MEI1: variants seen among roughly 807,000 people sequenced by gnomAD.
MEI1 encodes meiosis inhibitor protein 1.
In MEI1, 103 loss-of-function variants were observed where a neutral mutation model predicts 146.2. That is an observed-to-expected ratio of 0.70 (90% CI 0.60 to 0.83). The LOEUF (loss-of-function observed/expected upper bound fraction) is 0.83. Among genes scored for constraint, MEI1 ranks in the 40% least tolerant of loss-of-function variants. The probability of loss-of-function intolerance (pLI) is 0.00; values close to 1 mark genes in which losing one functional copy is unlikely to be tolerated. For missense variants in MEI1, 1,529 were observed against 1,533.0 expected (o/e 1.00, Z 0.04); for synonymous variants, 652 against 628.2 (o/e 1.04, Z -0.57).
intron 16 of MEI1, among the ~76,000 whole-genome samples, chr22:41,753,020 ATT>A (rs973303798): frequency 8.4e-5 from 12 of 142,042 alleles, no homozygotes; most frequent in Admixed American, 2.1e-4. Flanking sequence ...GGTCTCTACA[ATT>A]TTTTTTTTTT....
chr22:41,734,226 C>T (rs1186859397), intron 11 of MEI1, among the ~76,000 whole-genome samples: 1 of 152,206 alleles, frequency 6.6e-6, no homozygotes, highest in Non-Finnish European at 1.5e-5. Flanking sequence ...GGAGCTTGAG[C>T]ATCCTGGTTT....
chr22:41,730,845 T>C (rs1460078963), intron 9 of MEI1, among the ~76,000 whole-genome samples: 2 of 152,144 alleles, frequency 1.3e-5, no homozygotes, highest in South Asian at 4.1e-4. Context: ...GAAGTATATA[T>C]GTTTAGACGC....
chr22:41,729,767 G>A lies in MEI1; in HGVS notation c.967G>A (p.Ala323Thr), dbSNP rs759100618. 19 of 1,605,192 alleles carry A rather than the reference G, an allele frequency of 1.2e-5. No homozygotes were observed. The highest frequency in any genetic ancestry group is 1.7e-5 in the Admixed American group (1 of 58,432). Residue 323 changes from alanine (A) to threonine (T), a missense_variant, in exon 8 of 31, where the codon GCT becomes ACT. This residue lies in a region of MEI1 where 1,212 missense variants were observed against 1,178.9 expected (regional missense o/e 1.03). Transcript: ENST00000401548. ...PAKHASAFIHADIPEFLFEHL... is the reference protein window; with the variant it reads ...PAKHASAFIHTDIPEFLFEHL... ...AAAGCATGCGTCAGCCTTCATCCAC[G>A]CTGACATCCCAGGTAGGGGAACACT...
At chr22:41,702,455 CTT>C (rs771593422) in intron 1 of MEI1, among the ~76,000 whole-genome samples, 7 of 139,580 alleles carry the variant, frequency 5.0e-5, no homozygotes, top group African/African-American at 7.9e-5. Context: ...CACTTTTTTT[CTT>C]TTTTTTTTTT....
At position 41,745,808 on chromosome 22, in the gene MEI1, G is replaced by A. The variant is rs549470382; in HGVS notation, c.1539-77G>A. ...TGGACCCTGAGCACAGGCACTCCCC[G>A]CCACCCCCCAGGAAGCTGTTTGTAA... On this transcript the variant is annotated intron_variant, in intron 13 of 30. Coordinates refer to ENST00000401548, the MANE Select transcript of MEI1 (RefSeq NM_152513.4). The A allele has an allele frequency of 7.2e-5, 104 of 1,440,776 alleles. 1 individual carries two copies. The Middle Eastern group carries it at 1.5e-3, about 21-fold the overall frequency. 89.2% of individuals were successfully genotyped at this position (1,440,776 alleles called of 1,614,324 possible).
At chr22:41,790,388 A>G (rs920838216) in intron 26 of MEI1, among the ~76,000 whole-genome samples, 2 of 152,022 alleles carry the variant, frequency 1.3e-5, no homozygotes, top group East Asian at 3.9e-4. Context: ...CCCGGTCTTA[A>G]AACTCGCTTT....
intron 22 of MEI1, among the ~76,000 whole-genome samples, chr22:41,779,455 AAAAC>A (rs1379956021): frequency 6.6e-6 from 1 of 152,138 alleles, no homozygotes; most frequent in Non-Finnish European, 1.5e-5. Context: ...CCTCGTCCCT[AAAAC>A]AAACAAATCT....
chr22:41,721,190 G>A lies in MEI1; in HGVS notation c.734-2753G>A, dbSNP rs1435345073. Reference sequence around the variant, plus strand: ...GGCCTCCCCAGGATATGTCCGCCTCGGCCTCCCAAAGTGCTGGGATTACAG... The same window carrying A: ...GGCCTCCCCAGGATATGTCCGCCTCAGCCTCCCAAAGTGCTGGGATTACAG... On this transcript the variant is annotated intron_variant, in intron 6 of 30. Transcript: ENST00000401548. Among the ~76,000 whole-genome samples, 5 of 148,558 alleles carry A rather than the reference G, an allele frequency of 3.4e-5. No individual in the cohort carries two copies. The East Asian group carries it at 5.9e-4, about 18-fold the overall frequency.
intron 11 of MEI1, among the ~76,000 whole-genome samples, chr22:41,738,577 ACT>A (rs1442523209): frequency 6.6e-5 from 10 of 151,366 alleles, no homozygotes; most frequent in African/African-American, 2.4e-4. Flanking sequence ...ACAGAGCGAG[ACT>A]CTGTCTCAAA....
In MEI1 at chr22:41,784,398, G is replaced by C. The variant is rs1342088725; in HGVS notation, c.3147G>C (p.Lys1049Asn). The C allele has an allele frequency of 2.5e-6, 4 of 1,613,968 alleles. No individual in the cohort carries two copies. ...DQVLKALSFP[K>N]KKAALLSAAI... ...TATTGAAGGCTCTCAGCTTTCCAAA[G>C]AAAAAGGCTGCACTACTCTCAGGTA... Residue 1049 changes from lysine to asparagine, a missense_variant, in exon 25 of 31, where the codon AAG becomes AAC. By Grantham distance (94) the Lys-to-Asn change is moderately conservative. Around this residue, in one of 3 missense-constraint regions of MEI1, gnomAD observed 313 missense variants for 337.3 expected, o/e 0.93. Transcript: ENST00000401548.
intron 12 of MEI1, among the ~76,000 whole-genome samples, chr22:41,743,813 A>G (rs1306921213): frequency 1.3e-5 from 2 of 152,178 alleles, no homozygotes; most frequent in African/African-American, 4.8e-5. Context: ...TCTGCATATA[A>G]TAGACCAATA....
intron 19 of MEI1, among the ~76,000 whole-genome samples, chr22:41,765,722 T>G (rs1005353804): frequency 7.2e-5 from 11 of 151,858 alleles, no homozygotes; most frequent in African/African-American, 2.7e-4. Context: ...TTTCAGAGAG[T>G]CATTTTATTC....
chr22:41,712,012 G>T (rs890360700), intron 3 of MEI1, among the ~76,000 whole-genome samples: 25 of 151,348 alleles, frequency 1.7e-4, no homozygotes, highest in African/African-American at 5.6e-4. Flanking sequence ...GACCAGCCTG[G>T]CCAACATGTA....
At position 41,768,280 on chromosome 22, in the gene MEI1, G is replaced by A. The variant is rs1350041449; in HGVS notation, c.2269-2406G>A. On this transcript the variant is annotated intron_variant, in intron 19 of 30. Transcript: ENST00000401548. ...GCCTGTAGTCCCAGCTACTCGGGAG[G>A]CTGAGGCAGGAGAATTGCTTGAATC... is the stretch of plus-strand genomic sequence containing the variant. 2.6e-5 allele frequency among the ~76,000 whole-genome samples: 4 copies of A among 152,022 alleles called. No individual in the cohort carries two copies. The East Asian group carries it at 5.8e-4, about 22-fold the overall frequency.
intron 11 of MEI1, among the ~76,000 whole-genome samples, chr22:41,737,359 C>T (rs2072465781): frequency 6.6e-6 from 1 of 151,854 alleles, no homozygotes; most frequent in Non-Finnish European, 1.5e-5. Context: ...GCCTCAGTCT[C>T]CTGAGTAGCT....
At chr22:41,721,719 C>CTTTTTTTTTTTTTTTTT (rs58572782) in intron 6 of MEI1, among the ~76,000 whole-genome samples, 1 of 102,212 alleles carries the variant, frequency 9.8e-6, no homozygotes, top group African/African-American at 4.1e-5. Flanking sequence ...AATGCTACCC[C>CTTTTTTTTTTTTTTTTT]TTTTTTTTTT....
chr22:41,778,606 C>T, intron 21 of MEI1, 102 bp from the exon 22 acceptor site: 1 of 850,724 alleles, frequency 1.2e-6, no homozygotes, highest in South Asian at 1.6e-5. Context: ...AAACAAAAAA[C>T]TTTGAACCTG....
At chr22:41,729,621 A>G (rs762737705) in intron 7 of MEI1, 44 bp from the exon 8 acceptor site, 2 of 1,309,218 alleles carry the variant, frequency 1.5e-6, no homozygotes, top group East Asian at 4.8e-5. Context: ...TTCTGGTCCT[A>G]TTCGTGGTGT....
intron 5 of MEI1, among the ~76,000 whole-genome samples, chr22:41,717,414 C>T (rs1420551536): frequency 2.0e-5 from 3 of 151,932 alleles, no homozygotes. Flanking sequence ...CTGCCCACCT[C>T]GGCCTCCCAA....
Sources: gnomAD v4.1 joint callset for allele counts (sites outside exome capture counted in the v4.1 genomes callset) on GRCh38, gnomAD v4.1.1 for gene constraint, gnomAD v4.1.1 regional missense constraint, MANE v1.5 for transcripts, NCBI Gene and HGNC (gene_info 2026-07-23, HGNC 2026-07-21) for gene names.